Variants in PTPRN2 observed in about 807,000 individuals in gnomAD.
PTPRN2 encodes protein tyrosine phosphatase receptor type N2.
PTPRN2 carries 74 observed loss-of-function variants against 118.8 expected under a neutral mutation model. The observed-to-expected ratio is 0.62, with a 90% CI of 0.52 to 0.76. The LOEUF (loss-of-function observed/expected upper bound fraction) is 0.76, where lower values mean the gene tolerates loss of function less well. Among genes scored for constraint, PTPRN2 ranks in the 30% least tolerant of loss-of-function variants. PTPRN2 has a pLI of 0.00. For missense variants in PTPRN2, 1,481 were observed against 1,394.4 expected, an observed-to-expected ratio of 1.06 and a Z score of -0.99; for synonymous variants, 641 against 608.0, an observed-to-expected ratio of 1.05 and a Z score of -0.80.
At chr7:158,560,988 G>C (rs1402252132) in intron 1 of PTPRN2, among the ~76,000 whole-genome samples, 3 of 152,212 alleles carry the variant, frequency 2.0e-5, no homozygotes, top group Admixed American at 1.3e-4. Context: ...TGTCAATAAG[G>C]CCCATTCACA....
chr7:158,377,132 AGCCCTGTC>A, intron 2 of PTPRN2, among the ~76,000 whole-genome samples: 1 of 642 alleles, frequency 1.6e-3, no homozygotes, highest in African/African-American at 8.8e-3. Context: ...ACTCCCCCAC[AGCCCTGTC>A]ACACGTCCTG....
At chr7:158,272,214 T>C (rs1798558783) in intron 3 of PTPRN2, among the ~76,000 whole-genome samples, 1 of 151,994 alleles carries the variant, frequency 6.6e-6, no homozygotes, top group Admixed American at 6.6e-5. Context: ...CTGGTCCAAA[T>C]GGAAAAACAG....
chr7:158,205,350 G>T (rs1367000659), intron 3 of PTPRN2, 77 bp from the exon 4 acceptor site: 1 of 1,071,120 alleles, frequency 9.3e-7, no homozygotes, highest in Non-Finnish European at 1.4e-6. Context: ...CTCACAATTA[G>T]TTGCATTTCA....
chr7:157,625,831 TTTC>T (rs1469649633), intron 14 of PTPRN2, among the ~76,000 whole-genome samples: 1 of 152,132 alleles, frequency 6.6e-6, no homozygotes, highest in Non-Finnish European at 1.5e-5. Flanking sequence ...GACGGCTTAG[TTTC>T]TTAAGGCACT....
At chr7:158,515,973 A>G (rs1018663914) in intron 1 of PTPRN2, among the ~76,000 whole-genome samples, 1 of 151,886 alleles carries the variant, frequency 6.6e-6, no homozygotes, top group African/African-American at 2.4e-5. Flanking sequence ...CATACTTGAT[A>G]CTCTAAGGCT....
intron 6 of PTPRN2, among the ~76,000 whole-genome samples, chr7:158,152,388 G>A (rs1396787912): frequency 2.0e-5 from 3 of 152,296 alleles, no homozygotes; most frequent in East Asian, 1.9e-4. Context: ...CTTCAGGCAG[G>A]AGTAGCAGTG....
rs111607908 is a variant in PTPRN2, at chr7:158,229,055, C to T, written c.278-23782G>A. On this transcript the variant is annotated intron_variant, in intron 3 of 22. Transcript: ENST00000389418. ...CGAGGCCCCAGCCAGCCTTCTCACACTGCTGGCATATCCCCTTTGAGACCT... is the reference window on the plus strand; with the variant it reads ...CGAGGCCCCAGCCAGCCTTCTCACATTGCTGGCATATCCCCTTTGAGACCT... Among the ~76,000 whole-genome samples, 431 of 152,230 alleles carry T rather than the reference C, an allele frequency of 2.8e-3. 3 individuals carry two copies. The highest frequency in any genetic ancestry group is 1.0e-2 in the African/African-American group (415 of 41,580).
At chr7:158,012,058 C>G (rs1476636360) in intron 11 of PTPRN2, among the ~76,000 whole-genome samples, 4 of 152,160 alleles carry the variant, frequency 2.6e-5, no homozygotes, top group Admixed American at 2.0e-4. Flanking sequence ...GAAGCTGCCC[C>G]GATCCCGAGT....
At chr7:157,628,609 G>C (rs761252444) in intron 14 of PTPRN2, among the ~76,000 whole-genome samples, 4 of 152,230 alleles carry the variant, frequency 2.6e-5, no homozygotes, top group Non-Finnish European at 5.9e-5. Context: ...AGCCCCACGG[G>C]TGCACCCCTT....
chr7:158,312,614 AG>A (rs1230657051), intron 3 of PTPRN2, among the ~76,000 whole-genome samples: 1 of 150,912 alleles, frequency 6.6e-6, no homozygotes, highest in Non-Finnish European at 1.5e-5. Context: ...GACAAAACTC[AG>A]GAAGACACCA....
In PTPRN2 at chr7:157,771,921, C is replaced by T. The variant is rs370050860; in HGVS notation, c.1789-88984G>A. 1.9e-4 allele frequency among the ~76,000 whole-genome samples: 28 copies of T among 148,460 alleles called. No individual in the cohort carries two copies. The East Asian group carries it at 5.1e-3, about 27-fold the overall frequency. On this transcript the variant is annotated intron_variant, in intron 12 of 22. Coordinates refer to ENST00000389418, the MANE Select transcript of PTPRN2 (RefSeq NM_002847.5). ...ACACAAACACACACAGACAAACACACAGAGACACACACAGACACATACAAA... is the reference window on the plus strand; with the variant it reads ...ACACAAACACACACAGACAAACACATAGAGACACACACAGACACATACAAA...
intron 11 of PTPRN2, among the ~76,000 whole-genome samples, chr7:157,909,788 A>AT (rs1357022978): frequency 3.3e-5 from 5 of 151,886 alleles, no homozygotes; most frequent in African/African-American, 1.2e-4. Context: ...GTTATTATCT[A>AT]TTTTTTCTCT....
intron 2 of PTPRN2, among the ~76,000 whole-genome samples, chr7:158,327,494 C>A (rs1301440967): frequency 6.6e-6 from 1 of 152,036 alleles, no homozygotes; most frequent in Non-Finnish European, 1.5e-5. Flanking sequence ...TTCTCACATG[C>A]ACAAGTTCTC....
At chr7:158,407,137 C>CGTCCCGCGTCCCGG (rs1563254090) in intron 2 of PTPRN2, among the ~76,000 whole-genome samples, 1 of 114,662 alleles carries the variant, frequency 8.7e-6, no homozygotes, top group Non-Finnish European at 1.8e-5. Context: ...CTGGGTCCTG[C>CGTCCCGCGTCCCGG]GTCCTGCGTC....
intron 12 of PTPRN2, among the ~76,000 whole-genome samples, chr7:157,866,387 C>T (rs1321990372): frequency 7.2e-5 from 11 of 152,112 alleles, no homozygotes; most frequent in African/African-American, 2.2e-4. Flanking sequence ...AGCACACACA[C>T]GTCCACATGT....
chr7:158,341,468 C>G (rs1806767360), intron 2 of PTPRN2, among the ~76,000 whole-genome samples: 2 of 147,534 alleles, frequency 1.4e-5, no homozygotes, highest in Non-Finnish European at 3.0e-5. Context: ...AGACGTCATT[C>G]ACACCCACAC....
chr7:158,335,245 A>C (rs1174027163), intron 2 of PTPRN2, among the ~76,000 whole-genome samples: 1 of 22,206 alleles, frequency 4.5e-5, no homozygotes, highest in African/African-American at 1.4e-4. Flanking sequence ...CTCTCACCAT[A>C]AGAGGTGACA....
intron 11 of PTPRN2, among the ~76,000 whole-genome samples, chr7:158,079,970 AGACTGCAGAAG>A (rs1250003743): frequency 6.6e-6 from 1 of 152,216 alleles, no homozygotes; most frequent in Non-Finnish European, 1.5e-5. Flanking sequence ...ACCTTAAATC[AGACTGCAGAAG>A]TTTAGTACAA....
At chr7:158,532,870 C>T (rs1305889649) in intron 1 of PTPRN2, 2 of 521,800 alleles carry the variant, frequency 3.8e-6, no homozygotes, top group East Asian at 1.1e-4. Flanking sequence ...CTCTGACGCG[C>T]AGACCATCTT....
Sources: allele counts gnomAD v4.1 joint callset (sites outside exome capture counted in the v4.1 genomes callset), GRCh38; gene constraint gnomAD v4.1.1; transcripts MANE v1.5; gene names NCBI Gene and HGNC (gene_info 2026-07-23, HGNC 2026-07-21).